Variants in VPS11 observed in about 807,000 individuals in gnomAD.
VPS11 encodes vacuolar protein sorting-associated protein 11 homolog.
In VPS11, 51 loss-of-function variants were observed where a neutral mutation model predicts 106.8. The observed-to-expected ratio is 0.48, with a 90% CI of 0.38 to 0.60. VPS11 has a LOEUF of 0.60. Ranked by LOEUF, VPS11 falls within the 20% of genes least tolerant of loss-of-function variation. The pLI is 0.00. For synonymous variants in VPS11, 453 were observed against 458.7 expected, an observed-to-expected ratio of 0.99 and a Z score of 0.16; for missense variants, 950 against 1,190.0, an observed-to-expected ratio of 0.80 and a Z score of 2.97.
At chr11:119,069,661 C>A in intron 3 of VPS11, 84 bp downstream of exon 3, 1 of 1,585,292 alleles carries the variant, frequency 6.3e-7, no homozygotes, top group Non-Finnish European at 8.6e-7. Flanking sequence ...TTACTGTTTT[C>A]AGGAGACCAC....
At position 119,069,356 on chromosome 11, in the gene VPS11, C is replaced by A; in HGVS notation, c.336+12C>A. ...GCATCAACCCCTTGGTGAGTCCCAGCAGGGAAATGGGAAAGATCCAGAAGC... is the reference window on the plus strand; with the variant it reads ...GCATCAACCCCTTGGTGAGTCCCAGAAGGGAAATGGGAAAGATCCAGAAGC... On this transcript the variant is annotated intron_variant, in intron 2 of 15. Coordinates refer to ENST00000621676, the MANE Select transcript of VPS11 (RefSeq NM_021729.6). 1 of 1,613,912 alleles carries A rather than the reference C, an allele frequency of 6.2e-7. No individual in the cohort carries two copies. The highest frequency in any genetic ancestry group is 8.5e-7 in the Non-Finnish European group (1 of 1,179,892).
Position 119,069,121 on chromosome 11 carries a change from T to C in VPS11, c.188-75T>C. 6 of 1,575,920 alleles carry C rather than the reference T, an allele frequency of 3.8e-6. No individual in the cohort carries two copies. In the South Asian group the frequency reaches 5.6e-5, roughly 15 times the overall value. ...CTTGAAAATTTTAGAGTTATATACA[T>C]GTAATTGTTATCTGAGTTCTGGTCT... On this transcript the variant is annotated intron_variant, in intron 1 of 15. Transcript: ENST00000621676.
chr11:119,070,321 A>G lies in VPS11; in HGVS notation c.560A>G (p.Tyr187Cys), dbSNP rs368583640. The change falls in exon 4 of 16, where the codon TAT becomes TGT. Residue 187 changes from tyrosine to cysteine, a missense_variant. Transcript: ENST00000621676. ...ACCCAGATTTTGCACAAGGGCAACT[A>G]TCCTGTAACTGGATTGGCCTTTCGC... is the stretch of plus-strand genomic sequence containing the variant. The part of the protein sequence containing the change: ...SKTQILHKGN[Y>C]PVTGLAFRQA... 4.3e-6 allele frequency: 7 copies of G among 1,613,304 alleles called. No individual in the cohort carries two copies. Among genetic ancestry groups the G allele is most frequent in the East Asian group, 2.2e-5 (1 of 44,880 alleles).
chr11:119,069,863 T>C (rs966889552), intron 3 of VPS11, among the ~76,000 whole-genome samples: 17 of 152,074 alleles, frequency 1.1e-4, no homozygotes, highest in African/African-American at 4.1e-4. Flanking sequence ...TTGGGTGTAG[T>C]GGCACATGCC....
At position 119,077,097 on chromosome 11, in the gene VPS11, TTGG is replaced by T; in HGVS notation, c.1425+18_1425+20del. On this transcript the variant is annotated intron_variant, in intron 8 of 15. Transcript: ENST00000621676. Reference sequence around the variant, plus strand: ...GAGTTCATCAAGGTGCAGGATGTTGTTGGTGGGGAAGTCTTGGAGGCCCCACTG... The same window carrying T: ...GAGTTCATCAAGGTGCAGGATGTTGTTGGGGAAGTCTTGGAGGCCCCACTG... 5 of 1,605,978 alleles carry T rather than the reference TTGG, an allele frequency of 3.1e-6. No individual in the cohort carries two copies. Among genetic ancestry groups the T allele is most frequent in the Non-Finnish European group, 3.4e-6 (4 of 1,175,774 alleles).
intron 3 of VPS11, among the ~76,000 whole-genome samples, 192 bp downstream of exon 3, chr11:119,069,769 T>C (rs484263): frequency 0.85 from 129,922 of 152,062 alleles, 55,869 homozygotes; most frequent in East Asian, 0.95. Flanking sequence ...GAGGCTGAGG[T>C]GGGCGGATCA....
At chr11:119,073,116 C>T in intron 5 of VPS11, 82 bp from the exon 6 acceptor site, 1 of 1,492,842 alleles carries the variant, frequency 6.7e-7, no homozygotes, top group African/African-American at 1.4e-5. Flanking sequence ...GTGAAATGTG[C>T]ACCAAAGTTA....
Position 119,081,249 on chromosome 11 carries a change from A to C in VPS11, c.2596A>C (p.Lys866Gln). ...CCCCACCTGCCTCCCTGAAAACCGG[A>C]AGGTCATGGATATGATCCGGGCCCA... ...DCPTCLPENR[K>Q]VMDMIRAQEQ... is the part of the protein sequence containing the mutation. Residue 866 changes from lysine to glutamine, a missense_variant, in exon 15 of 16, where the codon AAG becomes CAG. Physicochemically the swap from Lys to Gln is moderately conservative, Grantham distance 53. This residue lies in a region of VPS11 where 453 missense variants were observed against 514.6 expected (regional missense o/e 0.88). Transcript: ENST00000621676. 6.2e-7 allele frequency: 1 copy of C among 1,613,948 alleles called. No individual in the cohort carries two copies. Among genetic ancestry groups the C allele is most frequent in the South Asian group, 1.1e-5 (1 of 91,076 alleles).
chr11:119,078,850 A>G lies in VPS11; in HGVS notation c.2119A>G (p.Ser707Gly). The G allele has an allele frequency of 1.2e-6, 2 of 1,613,904 alleles. No individual in the cohort carries two copies. The highest frequency in any genetic ancestry group is 8.5e-7 in the Non-Finnish European group (1 of 1,179,854). Residue 707 changes from serine (S) to glycine (G), a missense_variant, in exon 13 of 16, where the codon AGC becomes GGC. Ser to Gly is a moderately conservative substitution (Grantham distance 56). This residue lies in a region of VPS11 where 453 missense variants were observed against 514.6 expected (regional missense o/e 0.88). Transcript: ENST00000621676. Reference sequence around the variant, plus strand: ...GCACGAGCAGTACCGGCAGGTCATCAGCGTGTGTGAGCGCCATGGGGAGCA... The same window carrying G: ...GCACGAGCAGTACCGGCAGGTCATCGGCGTGTGTGAGCGCCATGGGGAGCA... ...MQHEQYRQVISVCERHGEQDP... is the reference protein window; with the variant it reads ...MQHEQYRQVIGVCERHGEQDP...
chr11:119,081,338 G>A, intron 15 of VPS11, 24 bp downstream of exon 15: 1 of 1,613,436 alleles, frequency 6.2e-7, no homozygotes, highest in Non-Finnish European at 8.5e-7. Context: ...GGCTAGATGG[G>A]CCAGGGGATT....
chr11:119,069,895 G>A (rs1196494340), intron 3 of VPS11, among the ~76,000 whole-genome samples: 1 of 152,050 alleles, frequency 6.6e-6, no homozygotes, highest in Non-Finnish European at 1.5e-5. Context: ...CTACTAGGGA[G>A]GCTGCGGCAG....
chr11:119,070,611 C>CTT (rs10636140), intron 4 of VPS11: 202,443 of 255,454 alleles, frequency 0.79, 75,631 homozygotes, highest in African/African-American at 0.91. Flanking sequence ...AATTTTCTTT[C>CTT]TTTTTTTTTT....
Position 119,077,008 on chromosome 11 carries a change from T to A in VPS11, c.1350T>A (p.Asn450Lys). The change falls in exon 8 of 16, where the codon AAT becomes AAA. Residue 450 changes from asparagine to lysine, a missense_variant. By Grantham distance (94) the Asn-to-Lys change is moderately conservative (BLOSUM62 0). Coordinates refer to ENST00000621676, the MANE Select transcript of VPS11 (RefSeq NM_021729.6). Reference protein sequence around the residue: ...LQTLHRQSLANADHTTLLLNC... With the variant: ...LQTLHRQSLAKADHTTLLLNC... ...CCCTGCACCGACAATCCCTGGCCAA[T>A]GCCGACCATACCACCCTGCTCCTCA... 1 of 1,613,938 alleles carries A rather than the reference T, an allele frequency of 6.2e-7. No individual in the cohort carries two copies. The highest frequency in any genetic ancestry group is 8.5e-7 in the Non-Finnish European group (1 of 1,179,868).
At chr11:119,076,841 C>T in intron 7 of VPS11, 56 bp from the exon 8 acceptor site, 1 of 1,588,216 alleles carries the variant, frequency 6.3e-7, no homozygotes, top group Non-Finnish European at 8.6e-7. Flanking sequence ...TTCCTGTGTA[C>T]ATGAGCTGGA....
Position 119,081,464 on chromosome 11 carries a change from G to A in VPS11, c.2667G>A (p.Lys889=). The change falls in exon 16 of 16, where the codon AAG becomes AAA. Residue 889 remains lysine (K), a synonymous_variant. Coordinates refer to ENST00000621676, the MANE Select transcript of VPS11 (RefSeq NM_021729.6). ...DLHDQFQHQL[K]CSNDSFSVIA... ...TCCCTCCTCTTCTCCTGCAGCTCAA[G>A]TGCTCCAATGACAGCTTTTCTGTGA... The A allele has an allele frequency of 6.2e-7, 1 of 1,613,892 alleles. No homozygotes were observed. Among genetic ancestry groups the A allele is most frequent in the African/African-American group, 1.3e-5 (1 of 74,984 alleles).
chr11:119,069,504 T>A lies in VPS11; in HGVS notation c.399T>A (p.Pro133=), dbSNP rs373754355. ...GGNPLCTRIF[P]AIPGTEPTVV... Reference sequence around the variant, plus strand: ...ATCCACTCTGCACTCGAATCTTCCCTGCTATTCCAGGAACAGAGCCAACTG... The same window carrying A: ...ATCCACTCTGCACTCGAATCTTCCCAGCTATTCCAGGAACAGAGCCAACTG... Residue 133 remains proline (P), a synonymous_variant, in exon 3 of 16, where the codon CCT becomes CCA. Transcript: ENST00000621676. 1 of 1,613,910 alleles carries A rather than the reference T, an allele frequency of 6.2e-7. No individual in the cohort carries two copies. Among genetic ancestry groups the A allele is most frequent in the Non-Finnish European group, 8.5e-7 (1 of 1,179,904 alleles).
chr11:119,070,579 G>T, intron 4 of VPS11, 182 bp downstream of exon 4: 1 of 573,606 alleles, frequency 1.7e-6, no homozygotes, highest in Non-Finnish European at 2.7e-6. Context: ...GTTAGACTCT[G>T]GGCTTGTAGT....
chr11:119,069,984 G>A (rs1945307952), intron 3 of VPS11, among the ~76,000 whole-genome samples: 1 of 53,178 alleles, frequency 1.9e-5, no homozygotes, highest in Non-Finnish European at 4.4e-5. Context: ...GGCAACAAGA[G>A]CAAAACTCTG....
chr11:119,079,667 C>G (rs1945775283), intron 14 of VPS11, among the ~76,000 whole-genome samples: 1 of 152,176 alleles, frequency 6.6e-6, no homozygotes. Context: ...CTTTGATCTC[C>G]TGGGCTCAAG....
Sources: gnomAD v4.1 joint callset for allele counts (sites outside exome capture counted in the v4.1 genomes callset) on GRCh38, gnomAD v4.1.1 for gene constraint, gnomAD v4.1.1 regional missense constraint, MANE v1.5 for transcripts, NCBI Gene and HGNC (gene_info 2026-07-23, HGNC 2026-07-21) for gene names.